Variants in EMSY observed in about 807,000 individuals in gnomAD.
The protein encoded by EMSY is EMSY transcriptional repressor, BRCA2 interacting.
In EMSY, 26 loss-of-function variants were observed where a neutral mutation model predicts 134.6. The observed-to-expected ratio is 0.19, with a 90% CI of 0.14 to 0.27. EMSY has a LOEUF of 0.27. Ranked by LOEUF, EMSY falls within the 10% of genes least tolerant of loss-of-function variation. The pLI is 1.00. For missense variants in EMSY, 1,305 were observed against 1,611.4 expected (o/e 0.81, Z 3.26); for synonymous variants, 579 against 577.8 (o/e 1.00, Z -0.03).
chr11:76,448,910 A>T (rs1947535288), intron 2 of EMSY, among the ~76,000 whole-genome samples: 1 of 152,162 alleles, frequency 6.6e-6, no homozygotes, highest in African/African-American at 2.4e-5. Flanking sequence ...ATTGGGATAG[A>T]GAATTTCTTT....
intron 16 of EMSY, 62 bp from the exon 18 acceptor site, chr11:76,539,537 T>C: frequency 6.5e-7 from 1 of 1,537,538 alleles, no homozygotes; most frequent in Non-Finnish European, 9.0e-7. Flanking sequence ...GGGGGTAGAC[T>C]AGATTCTTGC....
intron 8 of EMSY, among the ~76,000 whole-genome samples, chr11:76,490,220 C>T (rs576945153): frequency 4.6e-5 from 7 of 150,930 alleles, no homozygotes; most frequent in African/African-American, 7.3e-5. Context: ...TTCCTCGACT[C>T]GGTAGCTACA....
At chr11:76,463,711 A>G (rs1948232931) in intron 6 of EMSY, 110 bp from the exon 8 acceptor site, 46 of 1,206,476 alleles carry the variant, frequency 3.8e-5, no homozygotes, top group Non-Finnish European at 5.1e-5. Context: ...CTTATTGGCT[A>G]ATGGCTTAAG....
At position 76,460,012 on chromosome 11, in the gene EMSY, TA is replaced by T; in HGVS notation, c.500del (p.Lys167SerfsTer12). The T allele has an allele frequency of 1.2e-6, 2 of 1,614,196 alleles. No individual in the cohort carries two copies. The highest frequency in any genetic ancestry group is 8.5e-7 in the Non-Finnish European group (1 of 1,180,014). On this transcript the variant is annotated frameshift_variant, in exon 6 of 21. Transcript: ENST00000334736. LOFTEE classifies it high-confidence loss of function. ...TTCCAAGTGGCAGCATAGCAACGGT[TA>T]AGTCTCCAAGACCTGCCAGTCCTGC...
intron 11 of EMSY, among the ~76,000 whole-genome samples, chr11:76,517,959 C>G (rs1950504794): frequency 6.6e-6 from 1 of 152,082 alleles, no homozygotes; most frequent in South Asian, 2.1e-4. Context: ...TGTTACATCT[C>G]ACTATTCTTT....
Position 76,528,158 on chromosome 11 carries a change from G to T in EMSY, c.1996-110G>T, listed in dbSNP as rs903194178. 8.6e-6 allele frequency: 8 copies of T among 925,920 alleles called. No homozygotes were observed. In the Admixed American group the frequency reaches 2.0e-4, roughly 23 times the overall value. The allele number at this position is 925,920 out of a possible 1,614,324, so 57.4% of individuals were successfully genotyped here. A position where few individuals can be genotyped will look rare whatever the true frequency, so the allele number is the denominator to read the frequency against. Reference sequence around the variant, plus strand: ...CAATGCTGTGCCTAAAAAGTATAACGTACAGAATAGTTTCCATACCAGGAA... The same window carrying T: ...CAATGCTGTGCCTAAAAAGTATAACTTACAGAATAGTTTCCATACCAGGAA... On this transcript the variant is annotated intron_variant, in intron 13 of 20. Coordinates refer to ENST00000334736, the Ensembl canonical transcript of EMSY.
At chr11:76,513,347 A>C in intron 9 of EMSY, 39 bp from the exon 11 acceptor site, 1 of 1,604,246 alleles carries the variant, frequency 6.2e-7, no homozygotes. Flanking sequence ...ATGTATTTAA[A>C]AATAATTTGT....
chr11:76,550,055 A>G lies in EMSY; in HGVS notation c.3878A>G (p.Asp1293Gly), dbSNP rs1408277742. The stretch of plus-strand genomic sequence containing the variant: ...AACTTCACTAGTCAACAGCTGGATG[A>G]TGAGGAGACAGCAATGGAGCAGGAC... Residue 1293 changes from aspartate (D) to glycine (G), a missense_variant, in exon 21 of 21, where the codon GAT becomes GGT. By Grantham distance (94) the Asp-to-Gly change is moderately conservative. Coordinates refer to ENST00000334736, the Ensembl canonical transcript of EMSY. 4 of 1,613,820 alleles carry G rather than the reference A, an allele frequency of 2.5e-6. No homozygotes were observed. The East Asian group carries it at 8.9e-5, about 36-fold the overall frequency.
At chr11:76,495,866 A>G (rs902837429) in intron 8 of EMSY, among the ~76,000 whole-genome samples, 2 of 152,162 alleles carry the variant, frequency 1.3e-5, no homozygotes, top group Non-Finnish European at 2.9e-5. Flanking sequence ...CTTTGTTCTT[A>G]TATTATTCAC....
chr11:76,529,106 C>T (rs544099301), intron 14 of EMSY, among the ~76,000 whole-genome samples: 6 of 152,264 alleles, frequency 3.9e-5, no homozygotes, highest in African/African-American at 1.4e-4. Context: ...TACTCTTCTA[C>T]GAAACCTCTT....
chr11:76,461,584 C>T (rs958443300), intron 6 of EMSY, among the ~76,000 whole-genome samples: 1 of 152,204 alleles, frequency 6.6e-6, no homozygotes, highest in Non-Finnish European at 1.5e-5. Context: ...GCAGATTTAG[C>T]CAAGGTGGTC....
intron 7 of EMSY, 94 bp from the exon 9 acceptor site, chr11:76,472,470 T>C (rs1236702174): frequency 8.3e-7 from 1 of 1,203,472 alleles, no homozygotes; most frequent in Non-Finnish European, 1.1e-6. Context: ...TCGTTTTTCA[T>C]AAGCTATTTT....
intron 6 of EMSY, among the ~76,000 whole-genome samples, chr11:76,462,799 T>C (rs1948178404): frequency 6.6e-6 from 1 of 152,182 alleles, no homozygotes; most frequent in Admixed American, 6.5e-5. Flanking sequence ...TATGGAGTCT[T>C]GAATGATATG....
chr11:76,472,836 A>T (rs377404534), exon 8 of EMSY: 2 of 1,613,250 alleles, frequency 1.2e-6, no homozygotes, highest in Admixed American at 3.3e-5. Flanking sequence ...CAACAGTAGC[A>T]CAAGGTGAGT....
rs59825576 is a variant in EMSY, at chr11:76,511,765, T to C, written c.1364-1621T>C. Among the ~76,000 whole-genome samples, 869 of 152,016 alleles carry C rather than the reference T, an allele frequency of 5.7e-3. 10 individuals carry two copies. The highest frequency in any genetic ancestry group is 0.02 in the African/African-American group (823 of 41,474). On this transcript the variant is annotated intron_variant, in intron 9 of 20. Coordinates refer to ENST00000334736, the Ensembl canonical transcript of EMSY. ...TAATGAAATAAATACTAGAAATTAT[T>C]CCCCCCACAAACCTCAGTGCTTAAG...
intron 12 of EMSY, among the ~76,000 whole-genome samples, chr11:76,523,522 T>G (rs978108411): frequency 6.6e-6 from 1 of 152,132 alleles, no homozygotes; most frequent in Non-Finnish European, 1.5e-5. Flanking sequence ...TGACCATGAT[T>G]TAGATGCTTA....
chr11:76,465,475 G>A (rs964637768), intron 7 of EMSY, among the ~76,000 whole-genome samples: 2 of 151,798 alleles, frequency 1.3e-5, no homozygotes, highest in African/African-American at 2.4e-5. Flanking sequence ...AGCCTTGCAC[G>A]TAGTAAATGT....
chr11:76,545,007 A>C, intron 19 of EMSY, 185 bp downstream of exon 20: 1 of 665,854 alleles, frequency 1.5e-6, no homozygotes, highest in Non-Finnish European at 2.5e-6. Context: ...GCACGCATTA[A>C]TATGTAGGAA....
rs150189898 is a variant in EMSY at position 76,457,548 on chromosome 11, G to A, written c.246-635G>A. 2.2e-3 allele frequency among the ~76,000 whole-genome samples: 334 copies of A among 152,254 alleles called. 2 individuals are homozygous for A. The highest frequency in any genetic ancestry group is 7.8e-3 in the African/African-American group (325 of 41,548). ...GGTATAAATAAATAAAATTAATGGT[G>A]CGTTTCTTCTAGTGTCGTTAGATCT... On this transcript the variant is annotated intron_variant, in intron 4 of 20. Coordinates refer to ENST00000334736, the Ensembl canonical transcript of EMSY.
Sources: gnomAD v4.1 joint callset for allele counts (sites outside exome capture counted in the v4.1 genomes callset) on GRCh38, gnomAD v4.1.1 for gene constraint, MANE v1.5 for transcripts, NCBI Gene and HGNC (gene_info 2026-07-23, HGNC 2026-07-21) for gene names.